The following RPS26 variants were observed in gnomAD, a reference collection of about 807,000 sequenced individuals.
The protein encoded by RPS26 is small ribosomal subunit protein eS26.
Under a neutral mutation model 14.7 loss-of-function variants are expected in RPS26, and 1 was observed. The ratio of observed to expected loss-of-function variants is 0.07; its 90% CI spans 0.02 to 0.32. The LOEUF (loss-of-function observed/expected upper bound fraction) is 0.32, where lower values mean the gene tolerates loss of function less well. Among genes scored for constraint, RPS26 ranks in the 10% least tolerant of loss-of-function variants. The pLI is 1.00. For synonymous variants in RPS26, 59 were observed against 53.1 expected (o/e 1.11, Z -0.48); for missense variants, 63 against 157.7 (o/e 0.40, Z 3.22).
chr12:56,043,614 C>A, intron 3 of RPS26, 121 bp downstream of exon 3: 1 of 1,002,194 alleles, frequency 1.0e-6, no homozygotes, highest in South Asian at 1.3e-5. Context: ...AAGAAGATTG[C>A]TAGAAACCAG....
chr12:56,042,118 G>A lies in RPS26; in HGVS notation c.-49G>A, dbSNP rs1262658112. 3 of 1,606,960 alleles carry A rather than the reference G, an allele frequency of 1.9e-6. No individual in the cohort carries two copies. The highest frequency in any genetic ancestry group is 2.7e-5 in the African/African-American group (2 of 74,846). The stretch of plus-strand genomic sequence containing the variant: ...CCGCGTAGGGATCTCATGCTATATA[G>A]GAGGGCCCTGCCAGGCACCGTCTCC... On this transcript the variant is annotated 5_prime_UTR_variant, in exon 1 of 4. Transcript: ENST00000646449.
chr12:56,042,397 T>C, intron 1 of RPS26, 28 bp from the exon 2 acceptor site: 6 of 1,612,880 alleles, frequency 3.7e-6, no homozygotes, highest in Non-Finnish European at 4.2e-6. Context: ...TGCGCCGTTT[T>C]CCTAACAGTT....
Position 56,044,349 on chromosome 12 carries a change from T to TC in RPS26, c.*195_*196insC, listed in dbSNP as rs1463950971. The TC allele has an allele frequency of 4.4e-5, 15 of 344,484 alleles. No individual in the cohort carries two copies. Among genetic ancestry groups the TC allele is most frequent in the Middle Eastern group, 7.1e-4 (1 of 1,402 alleles). The allele number at this position is 344,484 out of a possible 1,614,324, so 21.3% of individuals were successfully genotyped here. A position where few individuals can be genotyped will look rare whatever the true frequency, so the allele number is the denominator to read the frequency against. The stretch of plus-strand genomic sequence containing the variant: ...TTCATGTAATTTAATTTTTTTCTTT[T>TC]TTTTTTTTTTTTTTTTGAGACGGAG... On this transcript the variant is annotated 3_prime_UTR_variant, in exon 4 of 4. Transcript: ENST00000646449.
At chr12:56,043,180 G>C (rs1229899353) in intron 2 of RPS26, 183 bp from the exon 3 acceptor site, 4 of 600,954 alleles carry the variant, frequency 6.7e-6, no homozygotes, top group Non-Finnish European at 1.2e-5. Context: ...AAAACTGAGG[G>C]TTATACATAT....
At chr12:56,042,192 G>A in intron 1 of RPS26, 23 bp downstream of exon 1, 2 of 1,614,026 alleles carry the variant, frequency 1.2e-6, no homozygotes, top group Non-Finnish European at 1.7e-6. Flanking sequence ...GCGTGGTGAG[G>A]GTGGGGGTTC....
chr12:56,042,565 A>C lies in RPS26; in HGVS notation c.144A>C (p.Ala48=). The change falls in exon 2 of 4, where the codon GCA becomes GCC. Residue 48 remains alanine, a synonymous_variant. Coordinates refer to ENST00000646449, the MANE Select transcript of RPS26 (RefSeq NM_001029.5). ...KFVIRNIVEA[A]AVRDISEASV... is the part of the protein sequence containing the mutation. ...TCATTCGAAACATAGTGGAGGCCGC[A>C]GCAGTCAGGGACATTTCTGAAGCGA... 1.1e-5 allele frequency: 17 copies of C among 1,599,412 alleles called. No individual in the cohort carries two copies. Among genetic ancestry groups the C allele is most frequent in the Non-Finnish European group, 1.4e-5 (17 of 1,179,740 alleles).
At chr12:56,043,958 T>G (rs757377813) in intron 3 of RPS26, among the ~76,000 whole-genome samples, 161 bp from the exon 4 acceptor site, 3 of 152,152 alleles carry the variant, frequency 2.0e-5, no homozygotes, top group African/African-American at 4.8e-5. Flanking sequence ...GAATTGGTTT[T>G]TAGGATGCAG....
chr12:56,042,053 G>GC lies in RPS26; in HGVS notation c.-112dup. ...AAGGAATATTTGAGTAAAGTGAGTT[G>GC]CCGTTCTTGAAGCCCGTCTCCTAAG... On this transcript the variant is annotated 5_prime_UTR_variant, in exon 1 of 4. It removes the in-frame stop codon of an upstream open reading frame in the 5' UTR. Coordinates refer to ENST00000646449, the MANE Select transcript of RPS26 (RefSeq NM_001029.5). 1.9e-6 allele frequency: 2 copies of GC among 1,062,140 alleles called. 1 individual carries two copies. 65.8% of individuals were successfully genotyped at this position (1,062,140 alleles called of 1,614,324 possible). A position where few individuals can be genotyped will look rare whatever the true frequency, so the allele number is the denominator to read the frequency against.
At chr12:56,042,389 C>A in intron 1 of RPS26, 36 bp from the exon 2 acceptor site, 1 of 1,607,922 alleles carries the variant, frequency 6.2e-7, no homozygotes, top group Non-Finnish European at 8.5e-7. Context: ...GGGTGAGTTG[C>A]GCCGTTTTCC....
chr12:56,042,320 C>T, intron 1 of RPS26, 105 bp from the exon 2 acceptor site: 2 of 1,512,174 alleles, frequency 1.3e-6, no homozygotes, highest in South Asian at 1.1e-5. Context: ...ACAGGAGATC[C>T]GAGCGGCGCC....
chr12:56,043,811 TAAA>T (rs111473859), intron 3 of RPS26, among the ~76,000 whole-genome samples: 4 of 144,004 alleles, frequency 2.8e-5, no homozygotes, highest in African/African-American at 1.0e-4. Context: ...CCTTGTCTCT[TAAA>T]AAAAAAAAAA....
In RPS26 at chr12:56,041,973, A is replaced by T; in HGVS notation, c.-194A>T. 1 of 681,434 alleles carries T rather than the reference A, an allele frequency of 1.5e-6. No individual in the cohort carries two copies. The highest frequency in any genetic ancestry group is 2.1e-5 in the Admixed American group (1 of 46,814). The allele number at this position is 681,434 out of a possible 1,614,324, so 42.2% of individuals were successfully genotyped here. A position where few individuals can be genotyped will look rare whatever the true frequency, so the allele number is the denominator to read the frequency against. Reference sequence around the variant, plus strand: ...CCATGTGCACTTTGTTCCATGGATAAATAAACACTAGGAACGCATTTCCAC... The same window carrying T: ...CCATGTGCACTTTGTTCCATGGATATATAAACACTAGGAACGCATTTCCAC... On this transcript the variant is annotated 5_prime_UTR_variant, in exon 1 of 4. The change abolishes the stop of an existing upstream ORF in the 5' untranslated region. Coordinates refer to ENST00000646449, the MANE Select transcript of RPS26 (RefSeq NM_001029.5).
At chr12:56,044,075 G>T (rs750620266) in intron 3 of RPS26, 44 bp from the exon 4 acceptor site, 7 of 1,577,180 alleles carry the variant, frequency 4.4e-6, no homozygotes, top group Non-Finnish European at 6.1e-6. Flanking sequence ...GGGAGTCTTG[G>T]ATCCATGGGT....
Position 56,044,429 on chromosome 12 carries a change from C to A in RPS26, c.*275C>A. On this transcript the variant is annotated 3_prime_UTR_variant, in exon 4 of 4. Transcript: ENST00000646449. ...CGTGATCTCAGCTCACTGCAACCTC[C>A]GTCTCCCGGGTTCAAGTGATTCTCC... 2.6e-6 allele frequency: 1 copy of A among 385,604 alleles called. No homozygotes were observed. Among genetic ancestry groups the A allele is most frequent in the Non-Finnish European group, 4.7e-6 (1 of 213,900 alleles). The allele number at this position is 385,604 out of a possible 1,614,324, so 23.9% of individuals were successfully genotyped here.
In RPS26 at chr12:56,042,407, T is replaced by C; in HGVS notation, c.4-18T>C. The C allele has an allele frequency of 6.2e-7, 1 of 1,613,702 alleles. No individual in the cohort carries two copies. The highest frequency in any genetic ancestry group is 1.1e-5 in the South Asian group (1 of 91,060). On this transcript the variant is annotated intron_variant, in intron 1 of 3. Transcript: ENST00000646449. ...TGAGTTGCGCCGTTTTCCTAACAGT[T>C]TTCCCATCCTGTCGCAGACAAAGAA...
intron 3 of RPS26, 120 bp downstream of exon 3, chr12:56,043,613 G>A: frequency 9.9e-7 from 1 of 1,009,702 alleles, no homozygotes. Context: ...CAAGAAGATT[G>A]CTAGAAACCA....
chr12:56,042,811 T>A (rs1895907501), intron 2 of RPS26: 2 of 618,400 alleles, frequency 3.2e-6, no homozygotes, highest in Admixed American at 2.7e-5. Flanking sequence ...GCACAGCCTT[T>A]ACTCTGAGGT....
chr12:56,042,234 G>T (rs1309611600), intron 1 of RPS26, 65 bp downstream of exon 1: 1 of 1,600,026 alleles, frequency 6.2e-7, no homozygotes, highest in Non-Finnish European at 8.6e-7. Flanking sequence ...GGGGAAGTGA[G>T]AGCCTGGAGC....
At chr12:56,043,986 A>G in intron 3 of RPS26, 133 bp from the exon 4 acceptor site, 1 of 826,196 alleles carries the variant, frequency 1.2e-6, no homozygotes, top group Non-Finnish European at 2.2e-6. Flanking sequence ...TTCTCCCTCC[A>G]CCTCTATCAG....
Sources: gnomAD v4.1 joint callset for allele counts (sites outside exome capture counted in the v4.1 genomes callset) on GRCh38, gnomAD v4.1.1 for gene constraint, MANE v1.5 for transcripts, NCBI Gene and HGNC (gene_info 2026-07-23, HGNC 2026-07-21) for gene names.